The following PHKB variants were observed in gnomAD, a reference collection of about 807,000 sequenced individuals.
PHKB encodes the protein phosphorylase b kinase regulatory subunit beta.
A neutral mutation model predicts 152.1 loss-of-function variants in PHKB; 122 were observed. That is an observed-to-expected ratio of 0.80 (90% CI 0.69 to 0.93). PHKB has a LOEUF of 0.93. Ranked by LOEUF, PHKB falls within the 40% of genes least tolerant of loss-of-function variation. The probability of loss-of-function intolerance (pLI) is 0.00; values close to 1 mark genes in which losing one functional copy is unlikely to be tolerated. For missense variants in PHKB, 1,304 were observed against 1,328.4 expected, an observed-to-expected ratio of 0.98 and a Z score of 0.29; for synonymous variants, 436 against 464.9, an observed-to-expected ratio of 0.94 and a Z score of 0.80.
At chr16:47,478,288 A>G (rs1969903508) in intron 1 of PHKB, among the ~76,000 whole-genome samples, 1 of 152,180 alleles carries the variant, frequency 6.6e-6, no homozygotes, top group South Asian at 2.1e-4. Context: ...GGTAAAGGAC[A>G]GATGCGTCAA....
At chr16:47,474,344 T>A (rs1371775384) in intron 1 of PHKB, among the ~76,000 whole-genome samples, 9 of 152,192 alleles carry the variant, frequency 5.9e-5, no homozygotes, top group Non-Finnish European at 2.9e-5. Context: ...ACTTATGCTG[T>A]TATTTGGATT....
At chr16:47,511,238 A>G (rs1292465498) in intron 4 of PHKB, among the ~76,000 whole-genome samples, 2 of 152,236 alleles carry the variant, frequency 1.3e-5, no homozygotes, top group Admixed American at 1.3e-4. Context: ...TGAAATTTGA[A>G]CACTTACTGA....
intron 1 of PHKB, among the ~76,000 whole-genome samples, chr16:47,477,832 A>G (rs140691548): frequency 6.6e-6 from 1 of 152,310 alleles, no homozygotes; most frequent in East Asian, 1.9e-4. Context: ...ATTGTAATCC[A>G]AATGTAAGTC....
At chr16:47,532,068 A>C (rs1211232897) in intron 6 of PHKB, among the ~76,000 whole-genome samples, 1 of 152,160 alleles carries the variant, frequency 6.6e-6, no homozygotes, top group Admixed American at 6.5e-5. Flanking sequence ...AATTTAAAAA[A>C]CCCTCAATTT....
At chr16:47,593,111 AG>A (rs906297046) in intron 10 of PHKB, among the ~76,000 whole-genome samples, 11 of 137,220 alleles carry the variant, frequency 8.0e-5, no homozygotes, top group South Asian at 2.6e-4. Flanking sequence ...AAAGAAAAAG[AG>A]GGGGGGGAGG....
chr16:47,552,104 T>TGC (rs1971282066), intron 7 of PHKB, among the ~76,000 whole-genome samples: 1 of 152,224 alleles, frequency 6.6e-6, no homozygotes, highest in Non-Finnish European at 1.5e-5. Context: ...TGAGCCTATG[T>TGC]GTCTTTGCAC....
chr16:47,562,727 A>G (rs1290819583), intron 7 of PHKB, among the ~76,000 whole-genome samples: 1 of 152,170 alleles, frequency 6.6e-6, no homozygotes, highest in Non-Finnish European at 1.5e-5. Flanking sequence ...CACTTTCTCA[A>G]AATAAGACAA....
chr16:47,529,905 T>G (rs1362819425), intron 6 of PHKB: 1 of 152,182 alleles, frequency 6.6e-6, no homozygotes, highest in Non-Finnish European at 1.5e-5. Flanking sequence ...TGTAACTCAT[T>G]ACATTAGCAA....
intron 26 of PHKB, among the ~76,000 whole-genome samples, chr16:47,685,941 C>G (rs1453278708): frequency 6.6e-6 from 1 of 152,098 alleles, no homozygotes; most frequent in Non-Finnish European, 1.5e-5. Context: ...CAGGGTTTCA[C>G]CGTGTTAGCC....
intron 6 of PHKB, among the ~76,000 whole-genome samples, chr16:47,546,394 T>G (rs978510511): frequency 2.6e-5 from 4 of 152,192 alleles, no homozygotes; most frequent in Admixed American, 1.3e-4. Flanking sequence ...CAGACCCTGT[T>G]TCCCTGGGTA....
intron 28 of PHKB, among the ~76,000 whole-genome samples, chr16:47,695,274 T>G (rs776876884): frequency 2.0e-5 from 3 of 152,226 alleles, no homozygotes; most frequent in Non-Finnish European, 4.4e-5. Flanking sequence ...TAATGAGATA[T>G]ATTAAGAAAA....
Position 47,520,446 on chromosome 16 carries a change from G to A in PHKB, c.594+4845G>A, listed in dbSNP as rs935085888. ...AGCCACTAAGTGGCTTATCAAGGTC[G>A]CACATGTAGTACGTGGCAGGGCTTG... is the stretch of plus-strand genomic sequence containing the variant. On this transcript the variant is annotated intron_variant, in intron 6 of 30. Transcript: ENST00000323584. 4.6e-5 allele frequency among the ~76,000 whole-genome samples: 7 copies of A among 152,160 alleles called. No individual in the cohort carries two copies. In the South Asian group the frequency reaches 6.2e-4, roughly 13 times the overall value.
chr16:47,697,144 C>T (rs1974162403), intron 29 of PHKB, among the ~76,000 whole-genome samples: 1 of 152,176 alleles, frequency 6.6e-6, no homozygotes, highest in African/African-American at 2.4e-5. Context: ...AGCTTATCCG[C>T]ACTTTGTCTC....
chr16:47,491,035 T>G (rs1313990353), intron 1 of PHKB, among the ~76,000 whole-genome samples: 2 of 152,230 alleles, frequency 1.3e-5, no homozygotes, highest in Non-Finnish European at 2.9e-5. Context: ...TTTACTGTTC[T>G]TATACACCTA....
chr16:47,681,674 G>T (rs986375657), intron 26 of PHKB, among the ~76,000 whole-genome samples: 20 of 152,120 alleles, frequency 1.3e-4, no homozygotes, highest in African/African-American at 4.3e-4. Context: ...CTCTGCACGT[G>T]AGATGGGTTT....
chr16:47,646,569 T>TAAAAAAAAAAAAAAAAAAAAAAAA (rs1973130387), intron 16 of PHKB, among the ~76,000 whole-genome samples: 1 of 104,798 alleles, frequency 9.5e-6, no homozygotes, highest in African/African-American at 4.2e-5. Context: ...AATAAAAAAA[T>TAAAAAAAAAAAAAAAAAAAAAAAA]AATAAAAAAA....
intron 20 of PHKB, among the ~76,000 whole-genome samples, chr16:47,651,205 G>A (rs1026286326): frequency 2.0e-5 from 3 of 152,158 alleles, no homozygotes; most frequent in African/African-American, 7.2e-5. Flanking sequence ...TGGGCTTTTA[G>A]GGGCAAGTTG....
intron 14 of PHKB, among the ~76,000 whole-genome samples, chr16:47,622,001 T>C (rs1379203014): frequency 1.3e-5 from 2 of 152,146 alleles, no homozygotes; most frequent in African/African-American, 4.8e-5. Flanking sequence ...AAAGTTTCAA[T>C]AATAGGCATG....
At chr16:47,657,294 G>T (rs746827109) in intron 20 of PHKB, among the ~76,000 whole-genome samples, 1 of 152,088 alleles carries the variant, frequency 6.6e-6, no homozygotes, top group Non-Finnish European at 1.5e-5. Context: ...TATTTATTGT[G>T]CTCCGACTGT....
Sources: gnomAD v4.1 joint callset for allele counts (sites outside exome capture counted in the v4.1 genomes callset) on GRCh38, gnomAD v4.1.1 for gene constraint, MANE v1.5 for transcripts, NCBI Gene and HGNC (gene_info 2026-07-23, HGNC 2026-07-21) for gene names.